Variants in USP18 observed in about 807,000 individuals in gnomAD.
The protein encoded by USP18 is ubiquitin specific peptidase 18.
Under a neutral mutation model 48.7 loss-of-function variants are expected in USP18, and 11 were observed. That is an observed-to-expected ratio of 0.23 (90% CI 0.14 to 0.37). The LOEUF (loss-of-function observed/expected upper bound fraction) is 0.37, where lower values mean the gene tolerates loss of function less well. Among genes scored for constraint, USP18 ranks in the 10% least tolerant of loss-of-function variants. USP18 has a pLI of 1.00. For synonymous variants in USP18, 114 were observed against 163.2 expected, an observed-to-expected ratio of 0.70 and a Z score of 2.30; for missense variants, 285 against 436.4, an observed-to-expected ratio of 0.65 and a Z score of 3.09.
chr22:18,156,170 T>C (rs569097521), intron 1 of USP18, among the ~76,000 whole-genome samples: 27 of 152,238 alleles, frequency 1.8e-4, no homozygotes, highest in African/African-American at 6.0e-4. Context: ...GCTAATCTAG[T>C]GGGGACGTGG....
At chr22:18,173,522 G>A (rs539847841) in intron 9 of USP18, among the ~76,000 whole-genome samples, 12 of 152,312 alleles carry the variant, frequency 7.9e-5, no homozygotes, top group Non-Finnish European at 1.3e-4. Context: ...ATGCTCTGCA[G>A]CTTCCTGCTT....
At position 18,160,228 on chromosome 22, in the gene USP18, G is replaced by A; in HGVS notation, c.214G>A (p.Val72Met). The change falls in exon 3 of 11, where the codon GTG becomes ATG. Residue 72 changes from valine to methionine, a missense_variant. Physicochemically the swap from Val to Met is conservative, Grantham distance 21. Around this residue, in one of 5 missense-constraint regions of USP18, gnomAD observed 199 missense variants for 239.6 expected, o/e 0.83. Transcript: ENST00000215794. ...CTGCTGCCTTAACTCCTTGATTCAG[G>A]TGTTCGTAATGAATGTGGACTTCAC... Reference protein sequence around the residue: ...QTCCLNSLIQVFVMNVDFTRI... With the variant: ...QTCCLNSLIQMFVMNVDFTRI... 1.9e-6 allele frequency: 3 copies of A among 1,614,208 alleles called. No homozygotes were observed. The highest frequency in any genetic ancestry group is 2.5e-6 in the Non-Finnish European group (3 of 1,180,014).
At chr22:18,166,593 T>A (rs1455261904) in intron 4 of USP18, among the ~76,000 whole-genome samples, 1 of 151,798 alleles carries the variant, frequency 6.6e-6, no homozygotes, top group Admixed American at 6.6e-5. Context: ...TTGTTGTTGC[T>A]GTTTTATCGT....
intron 3 of USP18, 48 bp from the exon 4 acceptor site, chr22:18,161,742 C>T (rs1929339793): frequency 4.1e-6 from 6 of 1,458,538 alleles, no homozygotes; most frequent in East Asian, 2.6e-5. Flanking sequence ...GTGCACCTAG[C>T]TTTGAGAACT....
At position 18,161,776 on chromosome 22, in the gene USP18, T is replaced by G; in HGVS notation, c.255-14T>G. The G allele has an allele frequency of 6.3e-7, 1 of 1,582,950 alleles. No homozygotes were observed. The highest frequency in any genetic ancestry group is 8.6e-7 in the Non-Finnish European group (1 of 1,164,908). On this transcript the variant is annotated splice_polypyrimidine_tract_variant and intron_variant, in intron 3 of 10. Transcript: ENST00000215794. ...CTACATGTAAGGAGGTTTCTGGCTG[T>G]TCTTGTGTGGCAGGATCACGGTGCC...
chr22:18,163,931 T>C (rs1331347356), intron 4 of USP18, among the ~76,000 whole-genome samples: 2 of 152,160 alleles, frequency 1.3e-5, no homozygotes, highest in Non-Finnish European at 2.9e-5. Flanking sequence ...GTTTATTCTA[T>C]CCTCAGGGAA....
At chr22:18,174,355 G>A (rs1184148526) in intron 10 of USP18, among the ~76,000 whole-genome samples, 2 of 151,240 alleles carry the variant, frequency 1.3e-5, no homozygotes, top group Non-Finnish European at 2.9e-5. Context: ...AGCCTCCTGA[G>A]TAGCTGGGAC....
intron 1 of USP18, 49 bp from the exon 2 acceptor site, chr22:18,157,509 C>A: frequency 1.1e-6 from 1 of 951,842 alleles, no homozygotes; most frequent in Non-Finnish European, 1.6e-6. Flanking sequence ...TACATGAATA[C>A]ACATTCCTCC....
chr22:18,158,349 A>G (rs180748357), intron 2 of USP18, among the ~76,000 whole-genome samples: 1 of 152,286 alleles, frequency 6.6e-6, no homozygotes, highest in East Asian at 1.9e-4. Context: ...TGTTGGGAGG[A>G]TTAAATGGGG....
chr22:18,151,782 C>T (rs917047243), intron 1 of USP18, among the ~76,000 whole-genome samples: 1 of 152,064 alleles, frequency 6.6e-6, no homozygotes, highest in African/African-American at 2.4e-5. Flanking sequence ...ATAGGCCGGG[C>T]GCGGTGGCTC....
At position 18,161,924 on chromosome 22, in the gene USP18, G is replaced by A. The variant is rs539865626; in HGVS notation, c.389G>A (p.Cys130Tyr). The A allele has an allele frequency of 8.1e-6, 13 of 1,612,840 alleles. No homozygotes were observed. The South Asian group carries it at 9.9e-5, about 12-fold the overall frequency. ...PLELAYCLQK[C>Y]NVPLFVQHDA... is the part of the protein sequence containing the mutation. ...GAGCTGGCCTACTGCCTGCAGAAGT[G>A]CAACGTGCCCTGTAAGATACCCTCC... The change falls in exon 4 of 11, where the codon TGC (cysteine) becomes TAC (tyrosine). Residue 130 changes from cysteine to tyrosine, a missense_variant. Around this residue, in one of 5 missense-constraint regions of USP18, gnomAD observed 199 missense variants for 239.6 expected, o/e 0.83. Coordinates refer to ENST00000215794, the MANE Select transcript of USP18 (RefSeq NM_017414.4).
At chr22:18,169,681 A>G (rs1929573951) in intron 6 of USP18, among the ~76,000 whole-genome samples, 163 bp from the exon 7 acceptor site, 1 of 152,172 alleles carries the variant, frequency 6.6e-6, no homozygotes, top group South Asian at 2.1e-4. Context: ...AGATGCTGCC[A>G]TGCTTCCGGT....
chr22:18,173,781 T>C lies in USP18; in HGVS notation c.1024-12T>C, dbSNP rs1352727992. 1 of 1,607,092 alleles carries C rather than the reference T, an allele frequency of 6.2e-7. No homozygotes were observed. On this transcript the variant is annotated splice_polypyrimidine_tract_variant and intron_variant, in intron 9 of 10. Transcript: ENST00000215794. ...AGCTGGCTGCTTGACCCCATTTGTT[T>C]CTGGCTTCCAGGTGTCCTGGGAAGA... is the stretch of plus-strand genomic sequence containing the variant.
chr22:18,163,226 A>T (rs1229266586), intron 4 of USP18, among the ~76,000 whole-genome samples: 2 of 152,048 alleles, frequency 1.3e-5, no homozygotes, highest in African/African-American at 4.8e-5. Flanking sequence ...AAGGTAAGTC[A>T]CTTATCTTCA....
chr22:18,164,066 C>G (rs1240044590), intron 4 of USP18, among the ~76,000 whole-genome samples: 4 of 152,224 alleles, frequency 2.6e-5, no homozygotes, highest in African/African-American at 9.6e-5. Flanking sequence ...TCTTTGTCAC[C>G]CCCAGGGGCC....
Position 18,169,445 on chromosome 22 carries a change from C to T in USP18, c.628-399C>T, listed in dbSNP as rs3994291. 2.8e-4 allele frequency among the ~76,000 whole-genome samples: 43 copies of T among 152,322 alleles called. 2 individuals carry two copies. Among genetic ancestry groups the T allele is most frequent in the South Asian group, 2.7e-3 (13 of 4,828 alleles). On this transcript the variant is annotated intron_variant, in intron 6 of 10. Transcript: ENST00000215794. Reference sequence around the variant, plus strand: ...TAAAAAAATTAGCTGGGCGTGGTGGCGCAGCCTGTAGTCCCAGCTACTTAG... The same window carrying T: ...TAAAAAAATTAGCTGGGCGTGGTGGTGCAGCCTGTAGTCCCAGCTACTTAG...
At chr22:18,152,018 C>T (rs1929012136) in intron 1 of USP18, among the ~76,000 whole-genome samples, 1 of 152,098 alleles carries the variant, frequency 6.6e-6, no homozygotes, top group African/African-American at 2.4e-5. Context: ...CCGGCCACTG[C>T]ACTCCAGCCT....
At chr22:18,153,784 C>A (rs1324355083) in intron 1 of USP18, among the ~76,000 whole-genome samples, 1 of 151,990 alleles carries the variant, frequency 6.6e-6, no homozygotes, top group Non-Finnish European at 1.5e-5. Context: ...GCTTTTTGAG[C>A]TTTCACATAT....
intron 3 of USP18, among the ~76,000 whole-genome samples, chr22:18,161,181 G>A (rs1360776557): frequency 2.0e-5 from 3 of 151,246 alleles, no homozygotes; most frequent in South Asian, 4.2e-4. Context: ...AGTCGGAGAA[G>A]GAGTAAGTCA....
Sources: allele counts gnomAD v4.1 joint callset (sites outside exome capture counted in the v4.1 genomes callset), GRCh38; gene constraint gnomAD v4.1.1; regional missense constraint gnomAD v4.1.1; transcripts MANE v1.5; gene names NCBI Gene and HGNC (gene_info 2026-07-23, HGNC 2026-07-21).